Variants in RTN1 observed in about 807,000 individuals in gnomAD.
The protein encoded by RTN1 is reticulon 1, also known as reticulon-1.
A neutral mutation model predicts 65.5 loss-of-function variants in RTN1; 25 were observed. That is an observed-to-expected ratio of 0.38 (90% CI 0.28 to 0.53). RTN1 has a LOEUF of 0.53. Among genes scored for constraint, RTN1 ranks in the 20% least tolerant of loss-of-function variants. The pLI, the probability that RTN1 is intolerant of heterozygous loss-of-function variation, is 0.79. For missense variants in RTN1, 983 were observed against 1,025.4 expected (o/e 0.96, Z 0.57); for synonymous variants, 471 against 447.6 (o/e 1.05, Z -0.66).
At chr14:59,854,655 A>AG (rs1195767189) in intron 1 of RTN1, among the ~76,000 whole-genome samples, 1 of 151,674 alleles carries the variant, frequency 6.6e-6, no homozygotes, top group African/African-American at 2.4e-5. Context: ...AAAAAAAAAA[A>AG]AAAAAAAAAT....
intron 1 of RTN1, among the ~76,000 whole-genome samples, chr14:59,807,193 A>G (rs1490802630): frequency 6.6e-6 from 1 of 152,198 alleles, no homozygotes; most frequent in Admixed American, 6.5e-5. Flanking sequence ...GGGTGGTGAC[A>G]GTGAGGTGGC....
At chr14:59,642,312 C>T (rs1219833024) in intron 3 of RTN1, among the ~76,000 whole-genome samples, 1 of 151,880 alleles carries the variant, frequency 6.6e-6, no homozygotes, top group Non-Finnish European at 1.5e-5. Context: ...TTTATTATTC[C>T]TTTTGGGTTT....
Position 59,749,379 on chromosome 14 carries a change from T to C in RTN1, c.242-2898A>G, listed in dbSNP as rs1402457734. Among the ~76,000 whole-genome samples the C allele has an allele frequency of 7.2e-5, 4 of 55,428 alleles. No homozygotes were observed. In the East Asian group the frequency reaches 1.4e-3, roughly 19 times the overall value. The allele number at this position is 55,428 out of a possible 152,430, so 36.4% of individuals were successfully genotyped here. A position where few individuals can be genotyped will look rare whatever the true frequency, so the allele number is the denominator to read the frequency against. On this transcript the variant is annotated intron_variant, in intron 1 of 8. Transcript: ENST00000267484. The stretch of plus-strand genomic sequence containing the variant: ...ATATCTATATATATATCTATATATC[T>C]ATATCTATATATATCTATATATATC...
At chr14:59,780,398 C>A (rs1353634231) in intron 1 of RTN1, among the ~76,000 whole-genome samples, 1 of 152,112 alleles carries the variant, frequency 6.6e-6, no homozygotes, top group African/African-American at 2.4e-5. Flanking sequence ...AACTTAATAT[C>A]ATCTTGGATT....
intron 2 of RTN1, among the ~76,000 whole-genome samples, chr14:59,728,108 A>G (rs964674266): frequency 1.3e-5 from 2 of 152,128 alleles, no homozygotes; most frequent in African/African-American, 4.8e-5. Context: ...GGGCCCACGA[A>G]TATCAACAAA....
intron 3 of RTN1, among the ~76,000 whole-genome samples, chr14:59,691,615 G>T (rs1266763225): frequency 6.6e-6 from 1 of 151,816 alleles, no homozygotes; most frequent in African/African-American, 2.4e-5. Flanking sequence ...TCAAAACCTG[G>T]CAAAGACACA....
chr14:59,693,022 G>A (rs1373083448), intron 3 of RTN1, among the ~76,000 whole-genome samples: 2 of 152,092 alleles, frequency 1.3e-5, no homozygotes, highest in Admixed American at 1.3e-4. Context: ...ATATTAGGAG[G>A]TGGGGCCTTT....
chr14:59,841,108 A>C (rs1258652351), intron 1 of RTN1, among the ~76,000 whole-genome samples: 1 of 152,252 alleles, frequency 6.6e-6, no homozygotes, highest in Non-Finnish European at 1.5e-5. Flanking sequence ...TGAAGATGAA[A>C]GAGTGAAAAG....
rs566023189 is a variant in RTN1, at chr14:59,726,687, G to A, written c.1765+232C>T. Among the ~76,000 whole-genome samples the A allele has an allele frequency of 1.8e-4, 27 of 152,284 alleles. No homozygotes were observed. The South Asian group carries it at 5.4e-3, about 30-fold the overall frequency. On this transcript the variant is annotated intron_variant, in intron 3 of 8. Transcript: ENST00000267484. ...AAAACCGCTCATTATTAGGGAGGCT[G>A]GGTTCAGCCAGTCCTGAGTTGCCCT...
At chr14:59,660,336 C>A (rs1213878718) in intron 3 of RTN1, among the ~76,000 whole-genome samples, 1 of 152,150 alleles carries the variant, frequency 6.6e-6, no homozygotes, top group African/African-American at 2.4e-5. Flanking sequence ...ATCAATGACA[C>A]AGAAAATTAA....
chr14:59,642,357 T>C (rs951458993), intron 3 of RTN1, among the ~76,000 whole-genome samples: 1 of 152,160 alleles, frequency 6.6e-6, no homozygotes, highest in African/African-American at 2.4e-5. Context: ...TGATGCCTTT[T>C]ATCAATTTTG....
intron 1 of RTN1, among the ~76,000 whole-genome samples, chr14:59,820,985 C>T (rs1007404398): frequency 3.3e-5 from 5 of 152,116 alleles, no homozygotes; most frequent in Admixed American, 3.3e-4. Flanking sequence ...AATGCTTTGG[C>T]TATTTGGGCT....
intron 2 of RTN1, among the ~76,000 whole-genome samples, chr14:59,736,004 G>A (rs747787224): frequency 1.6e-4 from 25 of 152,106 alleles, no homozygotes; most frequent in Non-Finnish European, 3.2e-4. Flanking sequence ...AGAGCAAAGA[G>A]ACAACATACC....
intron 3 of RTN1, among the ~76,000 whole-genome samples, chr14:59,670,703 T>A (rs1883483891): frequency 6.6e-6 from 1 of 152,198 alleles, no homozygotes; most frequent in African/African-American, 2.4e-5. Context: ...CTTCACTTGC[T>A]CGAAGATGAA....
At chr14:59,721,579 A>G (rs1884647801) in intron 3 of RTN1, among the ~76,000 whole-genome samples, 1 of 152,230 alleles carries the variant, frequency 6.6e-6, no homozygotes, top group South Asian at 2.1e-4. Flanking sequence ...ATTCTGAACA[A>G]GCACTCCAAA....
At chr14:59,863,700 A>G (rs986121641) in intron 1 of RTN1, among the ~76,000 whole-genome samples, 13 of 152,182 alleles carry the variant, frequency 8.5e-5, no homozygotes, top group African/African-American at 3.1e-4. Flanking sequence ...TACACTGCTT[A>G]CTTGACATCT....
intron 3 of RTN1, among the ~76,000 whole-genome samples, chr14:59,719,658 G>A (rs948283026): frequency 6.6e-6 from 1 of 152,242 alleles, no homozygotes; most frequent in African/African-American, 2.4e-5. Flanking sequence ...TATTGCAGGA[G>A]TGTTTTGTGG....
rs769910287 is a variant in RTN1 at position 59,727,571 on chromosome 14, G to C, written c.1113C>G (p.Ala371=). 6.2e-7 allele frequency: 1 copy of C among 1,612,084 alleles called. No homozygotes were observed. Among genetic ancestry groups the C allele is most frequent in the Non-Finnish European group, 8.5e-7 (1 of 1,179,558 alleles). The change falls in exon 3 of 9, where the codon GCC becomes GCG. Residue 371 remains alanine, a synonymous_variant. Transcript: ENST00000267484. The surrounding 1 kb of genome is among the most constrained non-coding windows in gnomAD (Gnocchi z 4.2). ...GCTGGCCCACCGGCCGTGGGTTCTC[G>C]GCGGTTTCATACGATAATCCCTTTG... ...KEAKGLSYET[A]ENPRPVGQLA...
chr14:59,655,196 T>C (rs1883098726), intron 3 of RTN1, among the ~76,000 whole-genome samples: 1 of 152,094 alleles, frequency 6.6e-6, no homozygotes, highest in African/African-American at 2.4e-5. Context: ...AGAAAACGAT[T>C]CCACTTTCAA....
Sources: gnomAD v4.1 joint callset for allele counts (sites outside exome capture counted in the v4.1 genomes callset) on GRCh38, gnomAD v4.1.1 for gene constraint, Gnocchi (gnomAD v3.1) non-coding constraint, MANE v1.5 for transcripts, NCBI Gene and HGNC (gene_info 2026-07-23, HGNC 2026-07-21) for gene names.